CGNL1: variants seen among roughly 807,000 people sequenced by gnomAD.
The protein encoded by CGNL1 is cingulin-like protein 1.
Under a neutral mutation model 141.2 loss-of-function variants are expected in CGNL1, and 132 were observed. The ratio of observed to expected loss-of-function variants is 0.93; its 90% CI spans 0.81 to 1.08. The LOEUF is 1.08. CGNL1 is among the 50% of genes least tolerant of loss of function. The pLI is 0.00. For missense variants in CGNL1, 1,870 were observed against 1,588.6 expected (o/e 1.18, Z -3.01); for synonymous variants, 690 against 622.1 (o/e 1.11, Z -1.63).
chr15:57,537,135 G>A (rs974324293), intron 14 of CGNL1, among the ~76,000 whole-genome samples: 16 of 152,194 alleles, frequency 1.1e-4, no homozygotes, highest in African/African-American at 3.4e-4. Flanking sequence ...ATGGGAAGGC[G>A]TTCTCTTGGC....
At chr15:57,540,546 G>A (rs2032509542) in intron 14 of CGNL1, among the ~76,000 whole-genome samples, 2 of 152,212 alleles carry the variant, frequency 1.3e-5, no homozygotes, top group Admixed American at 1.3e-4. Context: ...TGAGATTTGG[G>A]TGGGGACTCA....
rs2032999371 is a variant in CGNL1 at position 57,548,961 on chromosome 15, G to A, written c.*1471G>A. On this transcript the variant is annotated 3_prime_UTR_variant, in exon 19 of 19. Coordinates refer to ENST00000281282, the MANE Select transcript of CGNL1 (RefSeq NM_032866.5). Reference sequence around the variant, plus strand: ...AGGATCTCAGGGTTATGTCGAGGAAGGGAAGAAAGAAACAGAAGTCAGGCA... The same window carrying A: ...AGGATCTCAGGGTTATGTCGAGGAAAGGAAGAAAGAAACAGAAGTCAGGCA... 1 of 148,336 alleles carries A rather than the reference G, an allele frequency of 6.7e-6. No individual in the cohort carries two copies. Among genetic ancestry groups the A allele is most frequent in the African/African-American group, 2.7e-5 (1 of 37,592 alleles). 9.2% of individuals were successfully genotyped at this position (148,336 alleles called of 1,614,324 possible).
chr15:57,438,129 A>C lies in CGNL1; in HGVS notation c.130A>C (p.Ile44Leu), dbSNP rs766223967. Residue 44 changes from isoleucine (I) to leucine (L), a missense_variant, in exon 2 of 19, where the codon ATT becomes CTT. Transcript: ENST00000281282. Reference sequence around the variant, plus strand: ...CAAGGCAGGCTCCTACGGTGTCAGTATTCGGGTCCAGGGAATTGATGGTCA... The same window carrying C: ...CAAGGCAGGCTCCTACGGTGTCAGTCTTCGGGTCCAGGGAATTGATGGTCA... ...NSKAGSYGVS[I>L]RVQGIDGHPY... is the part of the protein sequence containing the mutation. 6.2e-7 allele frequency: 1 copy of C among 1,614,208 alleles called. No individual in the cohort carries two copies. The highest frequency in any genetic ancestry group is 8.5e-7 in the Non-Finnish European group (1 of 1,180,040).
At chr15:57,422,693 A>C (rs960257937) in intron 1 of CGNL1, among the ~76,000 whole-genome samples, 1 of 152,192 alleles carries the variant, frequency 6.6e-6, no homozygotes, top group Non-Finnish European at 1.5e-5. Context: ...GCAAACTAAA[A>C]ATTGCTCCCA....
intron 1 of CGNL1, among the ~76,000 whole-genome samples, chr15:57,432,642 T>G (rs560159096): frequency 6.6e-6 from 1 of 152,346 alleles, no homozygotes; most frequent in African/African-American, 2.4e-5. Context: ...GTCTGTGGTG[T>G]GCATTAGGAT....
At chr15:57,429,060 G>T (rs2063013810) in intron 1 of CGNL1, among the ~76,000 whole-genome samples, 1 of 151,892 alleles carries the variant, frequency 6.6e-6, no homozygotes. Context: ...AAGTGCAGCT[G>T]CACAGTTTAA....
intron 8 of CGNL1, among the ~76,000 whole-genome samples, chr15:57,479,742 A>ACAAAG (rs1448622932): frequency 6.6e-6 from 1 of 152,096 alleles, no homozygotes; most frequent in African/African-American, 2.4e-5. Context: ...ACAAAACAAA[A>ACAAAG]CAGGCAGAGC....
intron 8 of CGNL1, among the ~76,000 whole-genome samples, chr15:57,473,579 T>C (rs1360047997): frequency 6.6e-6 from 1 of 152,154 alleles, no homozygotes; most frequent in Non-Finnish European, 1.5e-5. Flanking sequence ...ATTATGGAAA[T>C]GATGGAGTGT....
chr15:57,546,121 G>A lies in CGNL1; in HGVS notation c.3655G>A (p.Glu1219Lys). Reference protein sequence around the residue: ...KAMKRQVEEAEEEIDRLESSK... With the variant: ...KAMKRQVEEAKEEIDRLESSK... Reference sequence around the variant, plus strand: ...CATGAAGCGGCAGGTGGAGGAGGCTGAGGAGGAAATCGACAGACTGGAAAG... The same window carrying A: ...CATGAAGCGGCAGGTGGAGGAGGCTAAGGAGGAAATCGACAGACTGGAAAG... The change falls in exon 18 of 19, where the codon GAG becomes AAG. Residue 1219 changes from glutamate to lysine, a missense_variant. Glu to Lys is a moderately conservative substitution (Grantham distance 56, BLOSUM62 1). Transcript: ENST00000281282. 4 of 1,614,020 alleles carry A rather than the reference G, an allele frequency of 2.5e-6. No homozygotes were observed. The highest frequency in any genetic ancestry group is 1.1e-5 in the South Asian group (1 of 91,066).
intron 8 of CGNL1, among the ~76,000 whole-genome samples, chr15:57,479,688 G>T (rs770369410): frequency 2.0e-5 from 3 of 152,014 alleles, no homozygotes; most frequent in Non-Finnish European, 2.9e-5. Flanking sequence ...AAAACAAAAT[G>T]AAACAGGCAG....
At chr15:57,435,755 G>A (rs1310158558) in intron 1 of CGNL1, among the ~76,000 whole-genome samples, 1 of 152,104 alleles carries the variant, frequency 6.6e-6, no homozygotes, top group African/African-American at 2.4e-5. Flanking sequence ...AGAACAGAGA[G>A]ACAAAACAAG....
At chr15:57,505,002 C>T (rs536252446) in intron 8 of CGNL1, among the ~76,000 whole-genome samples, 267 of 152,310 alleles carry the variant, frequency 1.8e-3, no homozygotes, top group African/African-American at 6.1e-3. Context: ...CCATCCCTCC[C>T]ACTCTGTCTG....
chr15:57,544,629 G>T lies in CGNL1; in HGVS notation c.3500+32G>T, dbSNP rs371824630. On this transcript the variant is annotated intron_variant, in intron 16 of 18. Coordinates refer to ENST00000281282, the MANE Select transcript of CGNL1 (RefSeq NM_032866.5). ...CGGGCCCACCCACTGCAGTGCGGAG[G>T]CCCCAGTGGGCAGTGACAGTCCCAT... 9.7e-5 allele frequency: 150 copies of T among 1,553,636 alleles called. 1 individual carries two copies. The African/African-American group carries it at 1.8e-3, about 19-fold the overall frequency.
At chr15:57,542,460 C>G (rs975458805) in intron 14 of CGNL1, among the ~76,000 whole-genome samples, 3 of 152,196 alleles carry the variant, frequency 2.0e-5, no homozygotes, top group Admixed American at 6.5e-5. Flanking sequence ...GCACAAGCCA[C>G]TGGGAATTGG....
chr15:57,483,347 T>C (rs1243869922), intron 8 of CGNL1, among the ~76,000 whole-genome samples: 1 of 152,270 alleles, frequency 6.6e-6, no homozygotes, highest in Non-Finnish European at 1.5e-5. Context: ...TTTTACATTT[T>C]AGTATCCTTC....
At chr15:57,382,251 A>T (rs1038299890) in intron 1 of CGNL1, among the ~76,000 whole-genome samples, 1 of 152,220 alleles carries the variant, frequency 6.6e-6, no homozygotes, top group Admixed American at 6.5e-5. Flanking sequence ...GGGCTAGTGA[A>T]TGAATGTTCA....
At chr15:57,542,051 C>T (rs1165349492) in intron 14 of CGNL1, among the ~76,000 whole-genome samples, 1 of 152,176 alleles carries the variant, frequency 6.6e-6, no homozygotes, top group East Asian at 1.9e-4. Flanking sequence ...ACACCTCGGT[C>T]AGGACAAGGG....
chr15:57,396,280 T>C (rs1312017163), intron 1 of CGNL1, among the ~76,000 whole-genome samples: 3 of 51,854 alleles, frequency 5.8e-5, no homozygotes, highest in Non-Finnish European at 1.3e-4. Flanking sequence ...TTTCTTTGTT[T>C]TTTTTTTTTT....
At chr15:57,518,533 G>A in intron 10 of CGNL1, 36 bp downstream of exon 10, 10 of 1,417,278 alleles carry the variant, frequency 7.1e-6, no homozygotes, top group Non-Finnish European at 9.9e-6. Flanking sequence ...ACTCCCTCAA[G>A]AAGAATGCAT....
Sources: gnomAD v4.1 joint callset for allele counts (sites outside exome capture counted in the v4.1 genomes callset) on GRCh38, gnomAD v4.1.1 for gene constraint, MANE v1.5 for transcripts, NCBI Gene and HGNC (gene_info 2026-07-23, HGNC 2026-07-21) for gene names.